RAD51AP2: variants seen among roughly 807,000 people sequenced by gnomAD.
The protein encoded by RAD51AP2 is RAD51 associated protein 2.
In RAD51AP2, 67 loss-of-function variants were observed where a neutral mutation model predicts 85.5. The ratio of observed to expected loss-of-function variants is 0.78; its 90% CI spans 0.64 to 0.96. The LOEUF (loss-of-function observed/expected upper bound fraction) is 0.96. Ranked by LOEUF, RAD51AP2 falls within the 40% of genes least tolerant of loss-of-function variation. The probability of loss-of-function intolerance (pLI) is 0.00; values close to 1 mark genes in which losing one functional copy is unlikely to be tolerated. For synonymous variants in RAD51AP2, 474 were observed against 446.5 expected (o/e 1.06, Z -0.78); for missense variants, 1,307 against 1,332.4 (o/e 0.98, Z 0.30).
chr2:17,530,504 C>T, the RAD51AP2 span, among the ~76,000 whole-genome samples: 5 of 147,380 alleles, frequency 3.4e-5, no homozygotes, highest in African/African-American at 7.7e-5. Flanking sequence ...TTACTTGAGC[C>T]CAAGAGGTTG....
At position 17,515,720 on chromosome 2, in the gene RAD51AP2, G is replaced by C; in HGVS notation, c.2696C>G (p.Thr899Arg). The change falls in exon 1 of 3, where the codon ACA (threonine) becomes AGA (arginine). Residue 899 changes from threonine (T) to arginine (R), a missense_variant. Physicochemically the swap from Thr to Arg is moderately conservative, Grantham distance 71. This residue lies in a region of RAD51AP2 where 668 missense variants were observed against 671.0 expected (regional missense o/e 1.00). Coordinates refer to ENST00000399080, the MANE Select transcript of RAD51AP2 (RefSeq NM_001099218.3). Reference sequence around the variant, plus strand: ...TGGCAAAATACTCTCATATTCATTTGTATTTGTTACATAATTTTGATTAAC... The same window carrying C: ...TGGCAAAATACTCTCATATTCATTTCTATTTGTTACATAATTTTGATTAAC... ...KYVNQNYVTN[T>R]NEYESILPER... The C allele has an allele frequency of 6.3e-7, 1 of 1,598,584 alleles. No homozygotes were observed. The highest frequency in any genetic ancestry group is 1.3e-5 in the African/African-American group (1 of 74,222).
intron 2 of RAD51AP2, among the ~76,000 whole-genome samples, chr2:17,511,307 G>C (rs1662487325): frequency 6.6e-6 from 1 of 151,990 alleles, no homozygotes; most frequent in Non-Finnish European, 1.5e-5. Flanking sequence ...TTTTTCTATT[G>C]GTAGCTAAAC....
upstream of RAD51AP2, among the ~76,000 whole-genome samples, chr2:17,522,699 CGA>C (rs1440161707): frequency 6.6e-6 from 1 of 151,836 alleles, no homozygotes; most frequent in African/African-American, 2.4e-5. Context: ...AAAACAATTA[CGA>C]GTTCTTTCCA....
the RAD51AP2 span, among the ~76,000 whole-genome samples, chr2:17,532,808 T>C: frequency 2.0e-5 from 3 of 152,248 alleles, no homozygotes; most frequent in African/African-American, 4.8e-5. Flanking sequence ...TATTAACATT[T>C]TTCTAAAACA....
Position 17,516,290 on chromosome 2 carries a change from TGAC to T in RAD51AP2, c.2123_2125del (p.Cys708_Gln709delinsTer), listed in dbSNP as rs779463663. On this transcript the variant is annotated stop_gained and inframe_deletion, in exon 1 of 3. Coordinates refer to ENST00000399080, the MANE Select transcript of RAD51AP2 (RefSeq NM_001099218.3). LOFTEE classifies it high-confidence loss of function. Reference sequence around the variant, plus strand: ...AACTTGTTGAGGACAACTCATATTCTGACAAGTAATTTCTCTTATTAAAGAAAT... The same window carrying T: ...AACTTGTTGAGGACAACTCATATTCTAAGTAATTTCTCTTATTAAAGAAAT... 2 of 1,609,306 alleles carry T rather than the reference TGAC, an allele frequency of 1.2e-6. No homozygotes were observed. Among genetic ancestry groups the T allele is most frequent in the South Asian group, 2.2e-5 (2 of 89,662 alleles).
chr2:17,535,364 G>A, the RAD51AP2 span, among the ~76,000 whole-genome samples: 1 of 152,324 alleles, frequency 6.6e-6, no homozygotes, highest in South Asian at 2.1e-4. Context: ...GCCAGAAAAT[G>A]ATCTTGCATG....
chr2:17,516,148 T>C lies in RAD51AP2; in HGVS notation c.2268A>G (p.Val756=). 1 of 1,613,048 alleles carries C rather than the reference T, an allele frequency of 6.2e-7. No individual in the cohort carries two copies. The highest frequency in any genetic ancestry group is 8.5e-7 in the Non-Finnish European group (1 of 1,179,590). The change falls in exon 1 of 3, where the codon GTA becomes GTG. Residue 756 remains valine (V), a synonymous_variant. Transcript: ENST00000399080. ...RGYINENFYE[V]NMHSQDLNME... Reference sequence around the variant, plus strand: ...TATTTAAATCTTGGCTGTGCATATTTACTTCATAAAAATTTTCATTAATGT... The same window carrying C: ...TATTTAAATCTTGGCTGTGCATATTCACTTCATAAAAATTTTCATTAATGT...
At chr2:17,519,173 A>C (rs2103314845), upstream of RAD51AP2, among the ~76,000 whole-genome samples, 1 of 152,210 alleles carries the variant, frequency 6.6e-6, no homozygotes, top group Middle Eastern at 3.4e-3. Context: ...TTAGAGATAA[A>C]ATATTATATG....
the RAD51AP2 span, among the ~76,000 whole-genome samples, chr2:17,523,595 A>C: frequency 2.0e-5 from 3 of 151,914 alleles, no homozygotes; most frequent in African/African-American, 7.2e-5. Flanking sequence ...AAGTCAAGCA[A>C]TTCAATAGAC....
Position 17,517,011 on chromosome 2 carries a change from T to A in RAD51AP2, c.1405A>T (p.Ser469Cys). ...ACAGTCGTTATTAAAGCTGTCTGAC[T>A]ACCTAATATTTCTCTTACGAGAAGC... ...SKLLVREILG[S>C]QTALITTVWL... The change falls in exon 1 of 3, where the codon AGT (serine) becomes TGT (cysteine). Residue 469 changes from serine to cysteine, a missense_variant. Ser to Cys is a moderately radical substitution (Grantham distance 112). Around this residue, in one of 3 missense-constraint regions of RAD51AP2, gnomAD observed 635 missense variants for 643.6 expected, o/e 0.99. Transcript: ENST00000399080. 6.2e-7 allele frequency: 1 copy of A among 1,602,026 alleles called. No homozygotes were observed. Among genetic ancestry groups the A allele is most frequent in the Non-Finnish European group, 8.5e-7 (1 of 1,176,758 alleles).
chr2:17,519,254 C>T (rs1293501697), upstream of RAD51AP2, among the ~76,000 whole-genome samples: 1 of 150,552 alleles, frequency 6.6e-6, no homozygotes, highest in Non-Finnish European at 1.5e-5. Context: ...AATTTTTAGA[C>T]GCTATTTCTT....
At chr2:17,521,894 A>G (rs1662864565), upstream of RAD51AP2, among the ~76,000 whole-genome samples, 1 of 151,942 alleles carries the variant, frequency 6.6e-6, no homozygotes, top group Admixed American at 6.6e-5. Flanking sequence ...ACTTCCCAAA[A>G]TGCATCCCCT....
Position 17,517,965 on chromosome 2 carries a change from A to G in RAD51AP2, c.451T>C (p.Ser151Pro). The change falls in exon 1 of 3, where the codon TCC becomes CCC. Residue 151 changes from serine (S) to proline (P), a missense_variant. Transcript: ENST00000399080. ...AGAAGTTGACTAACCCCTGCTTTGG[A>G]GCTATTACTGCGGTGCACACTGAAA... ...EAFSVHRSNS[S>P]KAGVSQLLPS... 1 of 1,614,100 alleles carries G rather than the reference A, an allele frequency of 6.2e-7. No homozygotes were observed. Among genetic ancestry groups the G allele is most frequent in the Non-Finnish European group, 8.5e-7 (1 of 1,180,034 alleles).
intron 2 of RAD51AP2, among the ~76,000 whole-genome samples, chr2:17,513,073 C>T (rs572062048): frequency 5.6e-4 from 85 of 152,060 alleles, no homozygotes; most frequent in African/African-American, 2.0e-3. Context: ...AATTTCTGAC[C>T]GGATTATAAC....
the RAD51AP2 span, among the ~76,000 whole-genome samples, chr2:17,535,334 A>G: frequency 3.1e-4 from 47 of 152,336 alleles, no homozygotes; most frequent in African/African-American, 1.1e-3. Context: ...AAGACATGGC[A>G]AGAGATGGGG....
the RAD51AP2 span, among the ~76,000 whole-genome samples, chr2:17,524,653 T>C: frequency 7.2e-5 from 11 of 151,978 alleles, no homozygotes; most frequent in Admixed American, 7.2e-4. Context: ...AGTTGTAACA[T>C]ACTATCTCTT....
the RAD51AP2 span, among the ~76,000 whole-genome samples, chr2:17,533,760 A>T: frequency 1.3e-5 from 2 of 152,116 alleles, no homozygotes; most frequent in African/African-American, 4.8e-5. Context: ...CAAAAAATTT[A>T]AAAAATTAGT....
At position 17,517,011 on chromosome 2, in the gene RAD51AP2, TACC is replaced by T; in HGVS notation, c.1402_1404del (p.Gly468del). The T allele has an allele frequency of 3.1e-6, 5 of 1,602,026 alleles. No individual in the cohort carries two copies. Among genetic ancestry groups the T allele is most frequent in the African/African-American group, 1.3e-5 (1 of 74,168 alleles). Reference sequence around the variant, plus strand: ...ACAGTCGTTATTAAAGCTGTCTGACTACCTAATATTTCTCTTACGAGAAGCTTT... The same window carrying T: ...ACAGTCGTTATTAAAGCTGTCTGACTTAATATTTCTCTTACGAGAAGCTTT... On this transcript the variant is annotated inframe_deletion, in exon 1 of 3. Transcript: ENST00000399080.
upstream of RAD51AP2, among the ~76,000 whole-genome samples, chr2:17,522,836 A>C (rs1329814295): frequency 6.6e-6 from 1 of 151,920 alleles, no homozygotes; most frequent in African/African-American, 2.4e-5. Flanking sequence ...TTAGTCACAT[A>C]AATATTTAGT....
Sources: allele counts gnomAD v4.1 joint callset (sites outside exome capture counted in the v4.1 genomes callset), GRCh38; gene constraint gnomAD v4.1.1; regional missense constraint gnomAD v4.1.1; transcripts MANE v1.5; gene names NCBI Gene and HGNC (gene_info 2026-07-23, HGNC 2026-07-21).